The following INTS7 variants were observed in gnomAD, a reference collection of about 807,000 sequenced individuals.
INTS7 encodes chromosome 1 open reading frame 73.
Under a neutral mutation model 109.2 loss-of-function variants are expected in INTS7, and 46 were observed. That is an observed-to-expected ratio of 0.42 (90% CI 0.33 to 0.54). The LOEUF is 0.54. Among genes scored for constraint, INTS7 ranks in the 20% least tolerant of loss-of-function variants. The pLI is 0.07. For synonymous variants in INTS7, 412 were observed against 402.9 expected (o/e 1.02, Z -0.27); for missense variants, 929 against 1,132.4 (o/e 0.82, Z 2.58).
chr1:211,948,714 G>A (rs1044872876), intron 17 of INTS7, among the ~76,000 whole-genome samples: 9 of 152,164 alleles, frequency 5.9e-5, no homozygotes, highest in African/African-American at 1.9e-4. Flanking sequence ...GTTTTGTTTT[G>A]TTTTGTTTTT....
At chr1:211,952,290 T>C (rs928487376) in intron 17 of INTS7, 6 of 250,780 alleles carry the variant, frequency 2.4e-5, no homozygotes, top group African/African-American at 1.3e-4. Context: ...CAACTTCAGT[T>C]AAATTGTTAA....
intron 5 of INTS7, among the ~76,000 whole-genome samples, chr1:212,008,814 G>C (rs962494565): frequency 2.6e-5 from 4 of 152,154 alleles, no homozygotes; most frequent in African/African-American, 7.2e-5. Flanking sequence ...ATTTCCAAAT[G>C]TATTAGCAAA....
At chr1:212,018,453 T>C (rs544040022) in intron 3 of INTS7, among the ~76,000 whole-genome samples, 1 of 152,028 alleles carries the variant, frequency 6.6e-6, no homozygotes, top group African/African-American at 2.4e-5. Context: ...AAATTATTTA[T>C]GAAATTCATT....
At chr1:212,027,135 G>A (rs1666959737) in intron 1 of INTS7, among the ~76,000 whole-genome samples, 1 of 152,200 alleles carries the variant, frequency 6.6e-6, no homozygotes, top group African/African-American at 2.4e-5. Flanking sequence ...AAGAGGTAGT[G>A]AGAATTCAGG....
chr1:212,026,262 G>A (rs752790429), intron 1 of INTS7, among the ~76,000 whole-genome samples: 7 of 152,122 alleles, frequency 4.6e-5, no homozygotes, highest in Admixed American at 4.6e-4. Flanking sequence ...TTACTAATGG[G>A]TGATGTTCCG....
At chr1:211,969,541 TTTTTC>T (rs1321253568) in intron 13 of INTS7, among the ~76,000 whole-genome samples, 4 of 146,080 alleles carry the variant, frequency 2.7e-5, no homozygotes, top group African/African-American at 1.0e-4. Context: ...TTTCTTTTTC[TTTTTC>T]TTTTCTTTTT....
chr1:212,032,008 T>C (rs1350559724), intron 1 of INTS7, among the ~76,000 whole-genome samples: 2 of 152,218 alleles, frequency 1.3e-5, no homozygotes, highest in African/African-American at 4.8e-5. Context: ...ATCATCTCCA[T>C]TTGGATGTCT....
intron 4 of INTS7, among the ~76,000 whole-genome samples, chr1:212,015,336 A>G (rs1201667174): frequency 6.6e-6 from 1 of 152,220 alleles, no homozygotes; most frequent in Non-Finnish European, 1.5e-5. Context: ...AAGTAGACAT[A>G]GGAGACTCCA....
At chr1:211,981,687 GA>G (rs770725786) in intron 9 of INTS7, among the ~76,000 whole-genome samples, 1 of 152,108 alleles carries the variant, frequency 6.6e-6, no homozygotes, top group Non-Finnish European at 1.5e-5. Context: ...CATAAAGAAT[GA>G]ACCTCTTAGA....
intron 16 of INTS7, among the ~76,000 whole-genome samples, chr1:211,960,327 C>G (rs940347121): frequency 2.0e-5 from 3 of 151,866 alleles, no homozygotes; most frequent in Non-Finnish European, 4.4e-5. Context: ...CTTCAAAGAT[C>G]GAAGGACCAT....
intron 4 of INTS7, among the ~76,000 whole-genome samples, chr1:212,014,913 C>T (rs937508992): frequency 6.6e-6 from 1 of 152,242 alleles, no homozygotes; most frequent in African/African-American, 2.4e-5. Flanking sequence ...CTCCCAGCCG[C>T]CTGCCTTGGC....
rs776679455 is a variant in INTS7, at chr1:211,978,444, G to T, written c.1298C>A (p.Thr433Asn). 1.9e-6 allele frequency: 3 copies of T among 1,614,046 alleles called. No homozygotes were observed. In the African/African-American group the frequency reaches 4.0e-5, roughly 22 times the overall value. ...AGCACTGTGCAATTGAGTCAACAAG[G>T]TCTCAACTACTGACTGGCTAAGATG... Reference protein sequence around the residue: ...RPHLSQSVVETLLTQLHSAQD... With the variant: ...RPHLSQSVVENLLTQLHSAQD... The change falls in exon 11 of 20, where the codon ACC (threonine) becomes AAC (asparagine). Residue 433 changes from threonine to asparagine, a missense_variant. Physicochemically the swap from Thr to Asn is moderately conservative, Grantham distance 65 (BLOSUM62 0). Around this residue, in one of 2 missense-constraint regions of INTS7, gnomAD observed 787 missense variants for 901.1 expected, o/e 0.87. Coordinates refer to ENST00000366994, the MANE Select transcript of INTS7 (RefSeq NM_015434.4).
chr1:212,003,530 A>G (rs1162306862), intron 7 of INTS7, among the ~76,000 whole-genome samples: 1 of 152,184 alleles, frequency 6.6e-6, no homozygotes, highest in Non-Finnish European at 1.5e-5. Flanking sequence ...GGCAGAAGGA[A>G]AAGTAACTAG....
chr1:212,008,984 T>C (rs965831203), intron 5 of INTS7, among the ~76,000 whole-genome samples: 43 of 152,166 alleles, frequency 2.8e-4, no homozygotes, highest in African/African-American at 1.0e-3. Context: ...ACTCCACTCT[T>C]ATATCCCCCT....
intron 7 of INTS7, among the ~76,000 whole-genome samples, chr1:211,991,391 T>G (rs1665137624): frequency 6.6e-6 from 1 of 152,212 alleles, no homozygotes; most frequent in East Asian, 1.9e-4. Context: ...ATGGGGTAAA[T>G]ATTTGTAAAG....
At chr1:211,995,115 A>AT (rs1665322988) in intron 7 of INTS7, among the ~76,000 whole-genome samples, 1 of 152,152 alleles carries the variant, frequency 6.6e-6, no homozygotes, top group African/African-American at 2.4e-5. Flanking sequence ...AGCCATCATA[A>AT]TTTTCATTCT....
chr1:211,978,551 G>A (rs1366809325), intron 10 of INTS7, 40 bp from the exon 11 acceptor site: 7 of 1,610,512 alleles, frequency 4.3e-6, no homozygotes, highest in African/African-American at 1.3e-5. Context: ...ACATTTTGAA[G>A]ATACAGATGA....
Position 211,966,492 on chromosome 1 carries a change from C to T in INTS7, c.2121G>A (p.Gln707=). Residue 707 remains glutamine, a synonymous_variant, in exon 16 of 20, where the codon CAG becomes CAA. Transcript: ENST00000366994. ...SATLRNVELQ[Q]QSCLLISHAI... ...CATGAGATATCAGTAAACAGCTCTG[C>T]TGCTGTCTGGATTGATGTTAAGGTT... 1 of 1,605,732 alleles carries T rather than the reference C, an allele frequency of 6.2e-7. No individual in the cohort carries two copies.
At chr1:212,029,287 C>T (rs1667054690) in intron 1 of INTS7, among the ~76,000 whole-genome samples, 1 of 152,240 alleles carries the variant, frequency 6.6e-6, no homozygotes, top group South Asian at 2.1e-4. Flanking sequence ...TACCACACTA[C>T]CCAACCAACT....
Sources: gnomAD v4.1 joint callset for allele counts (sites outside exome capture counted in the v4.1 genomes callset) on GRCh38, gnomAD v4.1.1 for gene constraint, gnomAD v4.1.1 regional missense constraint, MANE v1.5 for transcripts, NCBI Gene and HGNC (gene_info 2026-07-23, HGNC 2026-07-21) for gene names.